Variants in NRG1 observed in about 807,000 individuals in gnomAD.
The protein encoded by NRG1 is neuregulin 1, also known as pro-neuregulin-1, membrane-bound isoform.
A neutral mutation model predicts 63.8 loss-of-function variants in NRG1; 18 were observed. The ratio of observed to expected loss-of-function variants is 0.28; its 90% CI spans 0.19 to 0.42. The LOEUF (loss-of-function observed/expected upper bound fraction) is 0.42, where lower values mean the gene tolerates loss of function less well. Ranked by LOEUF, NRG1 falls within the 10% of genes least tolerant of loss-of-function variation. The pLI is 1.00. For missense variants in NRG1, 762 were observed against 814.7 expected, an observed-to-expected ratio of 0.94 and a Z score of 0.79; for synonymous variants, 302 against 301.3, an observed-to-expected ratio of 1.00 and a Z score of -0.02.
intron 1 of NRG1, among the ~76,000 whole-genome samples, chr8:31,735,287 C>T (rs1157729941): frequency 1.5e-4 from 23 of 151,998 alleles, no homozygotes; most frequent in Admixed American, 1.4e-3. Context: ...GATTTGGAGT[C>T]TAAAGAGGAG....
chr8:31,933,533 C>T (rs923965453), intron 1 of NRG1, among the ~76,000 whole-genome samples: 2 of 152,150 alleles, frequency 1.3e-5, no homozygotes, highest in Non-Finnish European at 2.9e-5. Context: ...CCACTCGCCT[C>T]AGCCTTCCAA....
At chr8:32,296,800 G>A (rs1457168795) in intron 1 of NRG1, among the ~76,000 whole-genome samples, 2 of 152,038 alleles carry the variant, frequency 1.3e-5, no homozygotes, top group Non-Finnish European at 2.9e-5. Context: ...TGCTTCTAGA[G>A]TTACTTTTAT....
chr8:32,335,694 G>A (rs532939484), intron 1 of NRG1, among the ~76,000 whole-genome samples: 42 of 152,060 alleles, frequency 2.8e-4, no homozygotes, highest in Non-Finnish European at 2.4e-4. Context: ...TCTGCTTGAC[G>A]GACTGGCAGA....
chr8:32,717,508 T>C (rs540238885), intron 5 of NRG1, among the ~76,000 whole-genome samples: 130 of 151,990 alleles, frequency 8.6e-4, no homozygotes, highest in African/African-American at 3.1e-3. Context: ...CTCCTGGGAG[T>C]TGTGGGAAAA....
Position 32,293,040 on chromosome 8 carries a change from T to C in NRG1, c.38-302788T>C, listed in dbSNP as rs542810629. On this transcript the variant is annotated intron_variant, in intron 1 of 10. Coordinates refer to the NRG1 transcript ENST00000519301. ...AATCGCTTGAACCTGGGAGGCAGAG[T>C]TTGCAGTGAGCCAAGATCATGCCAC... Among the ~76,000 whole-genome samples the C allele has an allele frequency of 2.6e-5, 4 of 151,836 alleles. No homozygotes were observed. In the East Asian group the frequency reaches 5.9e-4, roughly 22 times the overall value.
chr8:31,961,240 T>C (rs1043396948), intron 1 of NRG1, among the ~76,000 whole-genome samples: 2 of 152,234 alleles, frequency 1.3e-5, no homozygotes, highest in Admixed American at 1.3e-4. Flanking sequence ...TTGCTGTTCC[T>C]TTTTGAAGGG....
intron 1 of NRG1, among the ~76,000 whole-genome samples, chr8:32,226,606 C>T (rs867805521): frequency 1.3e-5 from 2 of 151,938 alleles, no homozygotes; most frequent in Middle Eastern, 3.2e-3. Context: ...TTAAAGATAA[C>T]GTTTGGAAAG....
intron 1 of NRG1, among the ~76,000 whole-genome samples, chr8:31,996,067 A>C (rs746114155): frequency 2.0e-5 from 3 of 151,698 alleles, no homozygotes; most frequent in South Asian, 2.1e-4. Flanking sequence ...CTCATCAAGT[A>C]TGCAGTCCTT....
chr8:32,333,115 T>C (rs1563325377), intron 1 of NRG1, among the ~76,000 whole-genome samples: 1 of 152,182 alleles, frequency 6.6e-6, no homozygotes, highest in African/African-American at 2.4e-5. Context: ...CCTACCAGAG[T>C]TGTCTATCCC....
chr8:32,634,615 C>T (rs1324601573), intron 5 of NRG1, among the ~76,000 whole-genome samples: 1 of 152,180 alleles, frequency 6.6e-6, no homozygotes, highest in East Asian at 1.9e-4. Flanking sequence ...AAAGTAGAAA[C>T]TGTAATATGT....
chr8:31,667,659 T>C (rs1452090611), intron 1 of NRG1, among the ~76,000 whole-genome samples: 5 of 152,008 alleles, frequency 3.3e-5, no homozygotes, highest in Admixed American at 3.3e-4. Context: ...CCAGAAAGGG[T>C]TGGGAGTCAA....
chr8:31,728,605 G>GT (rs1171964273), intron 1 of NRG1, among the ~76,000 whole-genome samples: 1 of 152,118 alleles, frequency 6.6e-6, no homozygotes, highest in Admixed American at 6.6e-5. Context: ...ATGAAAGCTG[G>GT]TGTGTTAAAT....
At chr8:32,478,155 T>G (rs1487760704) in intron 1 of NRG1, among the ~76,000 whole-genome samples, 1 of 152,260 alleles carries the variant, frequency 6.6e-6, no homozygotes, top group African/African-American at 2.4e-5. Flanking sequence ...CAAGTATCCT[T>G]CTGCTGCATA....
At chr8:32,067,447 C>T (rs1825035910) in intron 1 of NRG1, among the ~76,000 whole-genome samples, 1 of 152,148 alleles carries the variant, frequency 6.6e-6, no homozygotes, top group South Asian at 2.1e-4. Context: ...CTGAGATAAT[C>T]ATGTGGTTTT....
chr8:32,427,075 T>G (rs1344293271), intron 1 of NRG1, among the ~76,000 whole-genome samples: 1 of 152,148 alleles, frequency 6.6e-6, no homozygotes, highest in Non-Finnish European at 1.5e-5. Context: ...AGCTGTTCTA[T>G]TTCTCTAAAT....
chr8:32,626,670 A>G (rs1486139617), intron 5 of NRG1, among the ~76,000 whole-genome samples: 1 of 151,344 alleles, frequency 6.6e-6, no homozygotes, highest in Non-Finnish European at 1.5e-5. Context: ...ACAGAGCAAG[A>G]CTCATCTCAA....
chr8:32,353,342 T>C (rs574999277), intron 1 of NRG1, among the ~76,000 whole-genome samples: 1 of 151,324 alleles, frequency 6.6e-6, no homozygotes, highest in South Asian at 2.1e-4. Context: ...TTAAATAATT[T>C]AAAATCTTAA....
intron 1 of NRG1, among the ~76,000 whole-genome samples, chr8:32,132,359 G>A (rs1427717781): frequency 1.3e-5 from 2 of 151,926 alleles, no homozygotes; most frequent in Non-Finnish European, 2.9e-5. Context: ...TTAAGGATAA[G>A]CTCTTTGCTC....
At chr8:32,286,965 C>G (rs1159940675) in intron 1 of NRG1, 1 of 152,638 alleles carries the variant, frequency 6.6e-6, no homozygotes, top group Non-Finnish European at 1.5e-5. Context: ...CCATTGCACT[C>G]CAGCCTGAGC....
Sources: gnomAD v4.1 joint callset for allele counts (sites outside exome capture counted in the v4.1 genomes callset) on GRCh38, gnomAD v4.1.1 for gene constraint, MANE v1.5 for transcripts, NCBI Gene and HGNC (gene_info 2026-07-23, HGNC 2026-07-21) for gene names.